The following MYH10 variants were observed in gnomAD, a reference collection of about 807,000 sequenced individuals.
MYH10 encodes myosin heavy chain 10.
MYH10 carries 55 observed loss-of-function variants against 257.8 expected under a neutral mutation model. The ratio of observed to expected loss-of-function variants is 0.21; its 90% CI spans 0.17 to 0.27. The LOEUF is 0.27. Among genes scored for constraint, MYH10 ranks in the 10% least tolerant of loss-of-function variants. The pLI is 1.00. For synonymous variants in MYH10, 854 were observed against 921.7 expected, an observed-to-expected ratio of 0.93 and a Z score of 1.33; for missense variants, 1,631 against 2,500.6, an observed-to-expected ratio of 0.65 and a Z score of 7.42.
At chr17:8,616,756 G>A (rs982904590) in intron 2 of MYH10, among the ~76,000 whole-genome samples, 8 of 152,076 alleles carry the variant, frequency 5.3e-5, no homozygotes, top group Non-Finnish European at 1.0e-4. Context: ...GGTTGTGTGT[G>A]TAAATGAAAA....
At chr17:8,526,623 C>T (rs930996270) in intron 17 of MYH10, among the ~76,000 whole-genome samples, 6 of 121,196 alleles carry the variant, frequency 5.0e-5, no homozygotes, top group South Asian at 2.7e-4. Context: ...AGGACATATT[C>T]GCATAGCTTT....
intron 17 of MYH10, among the ~76,000 whole-genome samples, chr17:8,528,015 T>G (rs1429496184): frequency 6.6e-6 from 1 of 152,196 alleles, no homozygotes; most frequent in Non-Finnish European, 1.5e-5. Context: ...TATATGGAGA[T>G]TAAATGGGTA....
chr17:8,532,551 C>T (rs144929910), intron 16 of MYH10, among the ~76,000 whole-genome samples: 2 of 152,194 alleles, frequency 1.3e-5, no homozygotes, highest in African/African-American at 4.8e-5. Flanking sequence ...GACATCCCAG[C>T]CTCCCACCTC....
chr17:8,520,496 CA>C (rs2081619677), intron 19 of MYH10, among the ~76,000 whole-genome samples: 1 of 152,036 alleles, frequency 6.6e-6, no homozygotes, highest in South Asian at 2.1e-4. Flanking sequence ...GACTCCATCT[CA>C]AAAATAATAA....
intron 7 of MYH10, among the ~76,000 whole-genome samples, chr17:8,556,219 C>A (rs1014811269): frequency 6.6e-6 from 1 of 152,216 alleles, no homozygotes; most frequent in Non-Finnish European, 1.5e-5. Flanking sequence ...TTTCTCACGG[C>A]GTCAAACACA....
At chr17:8,532,647 CTTAAA>C (rs1019399656) in intron 16 of MYH10, among the ~76,000 whole-genome samples, 1 of 152,086 alleles carries the variant, frequency 6.6e-6, no homozygotes, top group Non-Finnish European at 1.5e-5. Flanking sequence ...CTGGTGAGAC[CTTAAA>C]TTAAAGAAGA....
intron 14 of MYH10, among the ~76,000 whole-genome samples, chr17:8,541,010 C>A (rs1433471023): frequency 6.6e-6 from 1 of 152,204 alleles, no homozygotes; most frequent in Non-Finnish European, 1.5e-5. Flanking sequence ...AAAATGATTT[C>A]TTATGTATTA....
chr17:8,542,135 T>C lies in MYH10; in HGVS notation c.1577A>G (p.Gln526Arg), dbSNP rs993552177. The C allele has an allele frequency of 4.3e-6, 7 of 1,614,176 alleles. No individual in the cohort carries two copies. The highest frequency in any genetic ancestry group is 2.5e-6 in the Non-Finnish European group (3 of 1,180,018). ...TCTCTCTATTAGGTCGATGCATGGC[T>C]GCAGATCCAGCCCGAAATCGATGAA... ...WNFIDFGLDL[Q>R]PCIDLIERPA... The change falls in exon 14 of 43, where the codon CAG becomes CGG. Residue 526 changes from glutamine to arginine, a missense_variant. Gln to Arg is a conservative substitution (Grantham distance 43). Transcript: ENST00000360416.
At position 8,576,624 on chromosome 17, in the gene MYH10, C is replaced by T; in HGVS notation, c.663+19G>A. On this transcript the variant is annotated intron_variant, in intron 6 of 42. Coordinates refer to ENST00000360416, the MANE Select transcript of MYH10 (RefSeq NM_001256012.3). ...AGTGCAAACACTCAAGACTAAGAAG[C>T]ATAAAGAAGAGCACTTGCCTGGTGT... The T allele has an allele frequency of 6.5e-7, 1 of 1,549,328 alleles. No homozygotes were observed. Among genetic ancestry groups the T allele is most frequent in the Non-Finnish European group, 8.7e-7 (1 of 1,145,788 alleles).
At position 8,545,619 on chromosome 17, in the gene MYH10, A is replaced by C. The variant is rs2082419743; in HGVS notation, c.1279-19T>G. The C allele has an allele frequency of 1.9e-6, 3 of 1,604,588 alleles. No individual in the cohort carries two copies. The highest frequency in any genetic ancestry group is 2.2e-5 in the East Asian group (1 of 44,798). On this transcript the variant is annotated intron_variant, in intron 12 of 42. Coordinates refer to ENST00000360416, the MANE Select transcript of MYH10 (RefSeq NM_001256012.3). This position sits in a 1 kb window ranked among gnomAD's most constrained non-coding sequence, Gnocchi z 4.7. The stretch of plus-strand genomic sequence containing the variant: ...AATCTGCCTGTAATTAAATCACAAC[A>C]ACCTTTTATTCTGGAAACAATCTCA...
In MYH10 at chr17:8,552,010, A is replaced by T; in HGVS notation, c.919+36T>A. ...AAAAAAAAATTAAAAGAGATATTCCAGTGAATATAAAATAGTAAAAACCTT... is the reference window on the plus strand; with the variant it reads ...AAAAAAAAATTAAAAGAGATATTCCTGTGAATATAAAATAGTAAAAACCTT... On this transcript the variant is annotated intron_variant, in intron 9 of 42. Transcript: ENST00000360416. The surrounding 1 kb of genome is among the most constrained non-coding windows in gnomAD (Gnocchi z 4.8). 1 of 1,157,578 alleles carries T rather than the reference A, an allele frequency of 8.6e-7. No individual in the cohort carries two copies. Among genetic ancestry groups the T allele is most frequent in the Non-Finnish European group, 1.2e-6 (1 of 836,604 alleles). The allele number at this position is 1,157,578 out of a possible 1,614,324, so 71.7% of individuals were successfully genotyped here. A position where few individuals can be genotyped will look rare whatever the true frequency, so the allele number is the denominator to read the frequency against.
chr17:8,589,741 A>T (rs1236538940), intron 3 of MYH10, among the ~76,000 whole-genome samples: 2 of 152,240 alleles, frequency 1.3e-5, no homozygotes, highest in African/African-American at 4.8e-5. Flanking sequence ...ATCTAACATG[A>T]TTTTAAAGTG....
chr17:8,557,945 C>A (rs1465411461), intron 7 of MYH10, among the ~76,000 whole-genome samples: 1 of 152,180 alleles, frequency 6.6e-6, no homozygotes, highest in Non-Finnish European at 1.5e-5. Flanking sequence ...TTTATGCCAT[C>A]AAATTTACTG....
At chr17:8,554,755 G>C (rs1350997865) in intron 7 of MYH10, among the ~76,000 whole-genome samples, 1 of 152,158 alleles carries the variant, frequency 6.6e-6, no homozygotes, top group African/African-American at 2.4e-5. Context: ...TTCAAGACCA[G>C]CCCGGCCAAT....
At chr17:8,549,941 C>T (rs4791727) in intron 9 of MYH10, among the ~76,000 whole-genome samples, 133,857 of 140,472 alleles carry the variant, frequency 0.95, 63,956 homozygotes, top group Middle Eastern at 1. Flanking sequence ...CCGCCAGCCT[C>T]GGCCTCCCGA....
At chr17:8,543,341 G>A (rs1017337827) in intron 13 of MYH10, among the ~76,000 whole-genome samples, 1 of 152,150 alleles carries the variant, frequency 6.6e-6, no homozygotes, top group African/African-American at 2.4e-5. Flanking sequence ...GCTCAACACT[G>A]TATTTCTGGC....
intron 2 of MYH10, among the ~76,000 whole-genome samples, chr17:8,605,706 C>T (rs2084772277): frequency 6.6e-6 from 1 of 152,176 alleles, no homozygotes. Flanking sequence ...GATCGCATCA[C>T]TGTACTCCAG....
intron 2 of MYH10, 41 bp downstream of exon 2, chr17:8,622,861 C>A (rs776670492): frequency 6.3e-7 from 1 of 1,589,732 alleles, no homozygotes; most frequent in Admixed American, 1.8e-5. Context: ...ACATTAATTC[C>A]TAGCTACCAC....
At position 8,521,300 on chromosome 17, in the gene MYH10, G is replaced by A. The variant is rs769991425; in HGVS notation, c.1958-15C>T. 1.2e-6 allele frequency: 2 copies of A among 1,612,528 alleles called. No homozygotes were observed. The highest frequency in any genetic ancestry group is 1.3e-5 in the African/African-American group (1 of 75,002). On this transcript the variant is annotated splice_polypyrimidine_tract_variant and intron_variant, in intron 17 of 42. Transcript: ENST00000360416. ...GATACGGTCCACTGGGGAGAAGAAA[G>A]GAGAAAACAAATATAAGCCAAACCT...
Sources: gnomAD v4.1 joint callset for allele counts (sites outside exome capture counted in the v4.1 genomes callset) on GRCh38, gnomAD v4.1.1 for gene constraint, Gnocchi (gnomAD v3.1) non-coding constraint, MANE v1.5 for transcripts, NCBI Gene and HGNC (gene_info 2026-07-23, HGNC 2026-07-21) for gene names.